Variants in SDCCAG8 observed in about 807,000 individuals in gnomAD.
SDCCAG8 encodes the protein serologically defined colon cancer antigen 8.
A neutral mutation model predicts 101.8 loss-of-function variants in SDCCAG8; 74 were observed. The observed-to-expected ratio is 0.73, with a 90% CI of 0.60 to 0.88. The LOEUF is 0.88. Ranked by LOEUF, SDCCAG8 falls within the 40% of genes least tolerant of loss-of-function variation. SDCCAG8 has a pLI of 0.00. For synonymous variants in SDCCAG8, 281 were observed against 292.9 expected (o/e 0.96, Z 0.41); for missense variants, 787 against 822.6 (o/e 0.96, Z 0.53).
At chr1:243,288,568 A>G (rs542056106) in intron 5 of SDCCAG8, among the ~76,000 whole-genome samples, 1 of 152,326 alleles carries the variant, frequency 6.6e-6, no homozygotes, top group Non-Finnish European at 1.5e-5. Context: ...TATCTTAAAT[A>G]TAAAAAATCA....
chr1:243,306,340 G>A (rs1374224498), intron 7 of SDCCAG8: 1 of 151,878 alleles, frequency 6.6e-6, no homozygotes, highest in Non-Finnish European at 1.5e-5. Context: ...TTAAAGTGAT[G>A]TATTTCTAGA....
chr1:243,426,675 T>C (rs77376241), intron 16 of SDCCAG8, 117 bp downstream of exon 16: 37,723 of 1,253,510 alleles, frequency 0.03, 741 homozygotes, highest in Middle Eastern at 0.07. Flanking sequence ...ACTTGTGACA[T>C]GCTCAAAATC....
At chr1:243,355,003 C>T (rs866560293) in intron 12 of SDCCAG8, among the ~76,000 whole-genome samples, 1 of 152,194 alleles carries the variant, frequency 6.6e-6, no homozygotes, top group Non-Finnish European at 1.5e-5. Context: ...CAGTGTGAGA[C>T]AGATCACCCT....
intron 13 of SDCCAG8, among the ~76,000 whole-genome samples, chr1:243,398,965 A>G (rs1194606441): frequency 6.6e-6 from 1 of 152,258 alleles, no homozygotes; most frequent in Non-Finnish European, 1.5e-5. Context: ...ACTAGGCACT[A>G]TGTAAATTTT....
At chr1:243,467,867 T>C (rs1350354988) in intron 16 of SDCCAG8, among the ~76,000 whole-genome samples, 1 of 152,228 alleles carries the variant, frequency 6.6e-6, no homozygotes, top group African/African-American at 2.4e-5. Flanking sequence ...CATACACATG[T>C]ATGAGTGTAT....
At chr1:243,339,213 G>A (rs1026986736) in intron 10 of SDCCAG8, among the ~76,000 whole-genome samples, 16 of 152,116 alleles carry the variant, frequency 1.1e-4, no homozygotes, top group Non-Finnish European at 1.6e-4. Context: ...CCTTAGAAGA[G>A]AAATGGACTA....
In SDCCAG8 at chr1:243,378,749, A is replaced by G. The variant is rs2077752415; in HGVS notation, c.1502A>G (p.Asp501Gly). The G allele has an allele frequency of 6.2e-7, 1 of 1,614,086 alleles. No homozygotes were observed. Among genetic ancestry groups the G allele is most frequent in the East Asian group, 2.2e-5 (1 of 44,878 alleles). Reference protein sequence around the residue: ...QEIEKLRIELDESKQHLEQEQ... With the variant: ...QEIEKLRIELGESKQHLEQEQ... ...ATAGAGAAATTGAGAATAGAACTGG[A>G]TGAAAGCAAACAACACTTGGAACAG... Residue 501 changes from aspartate (D) to glycine (G), a missense_variant, in exon 13 of 18, where the codon GAT becomes GGT. Transcript: ENST00000366541.
chr1:243,279,411 T>C (rs771314565), intron 4 of SDCCAG8, among the ~76,000 whole-genome samples: 2 of 152,246 alleles, frequency 1.3e-5, no homozygotes, highest in Non-Finnish European at 2.9e-5. Context: ...CATGGCTAAC[T>C]GGGAGCTACA....
chr1:243,355,837 TGA>T (rs2076351579), intron 12 of SDCCAG8, among the ~76,000 whole-genome samples: 1 of 152,172 alleles, frequency 6.6e-6, no homozygotes. Flanking sequence ...TTTGAACTCC[TGA>T]GCTCAAGCCA....
intron 13 of SDCCAG8, among the ~76,000 whole-genome samples, chr1:243,381,676 T>G (rs886828459): frequency 4.6e-5 from 7 of 152,210 alleles, no homozygotes; most frequent in African/African-American, 1.7e-4. Flanking sequence ...AACAAATATT[T>G]ACTGAGCACC....
chr1:243,267,668 T>G (rs1304327082), intron 1 of SDCCAG8: 4 of 766,640 alleles, frequency 5.2e-6, no homozygotes, highest in East Asian at 2.5e-5. Flanking sequence ...ACACTTAGGC[T>G]GAGTTACTCT....
chr1:243,373,685 T>A (rs2147890251), intron 12 of SDCCAG8, among the ~76,000 whole-genome samples: 1 of 152,244 alleles, frequency 6.6e-6, no homozygotes, highest in East Asian at 1.9e-4. Flanking sequence ...TTGCTTACAT[T>A]ATAGCCATGC....
At chr1:243,496,418 T>A (rs1030173123) in intron 17 of SDCCAG8, among the ~76,000 whole-genome samples, 6 of 152,154 alleles carry the variant, frequency 3.9e-5, no homozygotes, top group African/African-American at 1.4e-4. Context: ...ATGCCCCAGA[T>A]GGAGGTAGGG....
intron 16 of SDCCAG8, among the ~76,000 whole-genome samples, chr1:243,476,912 A>T (rs2148211216): frequency 6.6e-6 from 1 of 152,280 alleles, no homozygotes; most frequent in Admixed American, 6.5e-5. Context: ...GTTCTGTAAG[A>T]GAATGCCTTT....
chr1:243,358,759 C>T (rs1020474969), intron 12 of SDCCAG8, among the ~76,000 whole-genome samples: 2 of 152,068 alleles, frequency 1.3e-5, no homozygotes, highest in African/African-American at 4.8e-5. Flanking sequence ...TATATAGATA[C>T]ATATTACATG....
At chr1:243,405,155 C>T (rs888133116) in intron 13 of SDCCAG8, among the ~76,000 whole-genome samples, 2 of 152,038 alleles carry the variant, frequency 1.3e-5, no homozygotes, top group African/African-American at 2.4e-5. Context: ...TGTGAGCCAC[C>T]GTGCCTGTCC....
chr1:243,489,154 C>T lies in SDCCAG8; in HGVS notation c.2112+14C>T. 6.2e-7 allele frequency: 1 copy of T among 1,611,138 alleles called. No individual in the cohort carries two copies. The highest frequency in any genetic ancestry group is 1.7e-5 in the Admixed American group (1 of 59,888). On this transcript the variant is annotated intron_variant, in intron 17 of 17. Transcript: ENST00000366541. ...CTGCGGACCCAGGTACTGTGCAGAACGCGGCGCAGGTGGGAGTCCTTGGGC... is the reference window on the plus strand; with the variant it reads ...CTGCGGACCCAGGTACTGTGCAGAATGCGGCGCAGGTGGGAGTCCTTGGGC...
intron 5 of SDCCAG8, among the ~76,000 whole-genome samples, chr1:243,289,734 A>G (rs1288866405): frequency 6.6e-6 from 1 of 152,168 alleles, no homozygotes; most frequent in Non-Finnish European, 1.5e-5. Flanking sequence ...TAATTCTCTA[A>G]ATACACCCCG....
chr1:243,382,512 A>G (rs2078021665), intron 13 of SDCCAG8, among the ~76,000 whole-genome samples: 1 of 152,224 alleles, frequency 6.6e-6, no homozygotes, highest in African/African-American at 2.4e-5. Context: ...TCCTTCATTT[A>G]TTATGTATGG....
Sources: gnomAD v4.1 joint callset for allele counts (sites outside exome capture counted in the v4.1 genomes callset) on GRCh38, gnomAD v4.1.1 for gene constraint, MANE v1.5 for transcripts, NCBI Gene and HGNC (gene_info 2026-07-23, HGNC 2026-07-21) for gene names.